The following SMOC2 variants were observed in gnomAD, a reference collection of about 807,000 sequenced individuals.
The protein encoded by SMOC2 is SPARC-related modular calcium-binding protein 2.
SMOC2 carries 39 observed loss-of-function variants against 61.4 expected under a neutral mutation model. The observed-to-expected ratio is 0.64, with a 90% CI of 0.49 to 0.83. The LOEUF is 0.83. Among genes scored for constraint, SMOC2 ranks in the 40% least tolerant of loss-of-function variants. SMOC2 has a pLI of 0.00. For missense variants in SMOC2, 556 were observed against 592.9 expected (o/e 0.94, Z 0.65); for synonymous variants, 247 against 239.9 (o/e 1.03, Z -0.27).
chr6:168,535,783 G>A lies in SMOC2; in HGVS notation c.464-7842G>A, dbSNP rs1783715554. 1.3e-5 allele frequency among the ~76,000 whole-genome samples: 2 copies of A among 152,204 alleles called. No homozygotes were observed. On this transcript the variant is annotated intron_variant, in intron 4 of 12. Transcript: ENST00000356284. The surrounding 1 kb of genome is among the most constrained non-coding windows in gnomAD (Gnocchi z 4.6). ...TCAGGAGAGAGGCAGCGCCGCCGGG[G>A]GAAGATGGGAGGGAGACCAATGCGC...
At chr6:168,489,184 C>G (rs1381370777) in intron 1 of SMOC2, among the ~76,000 whole-genome samples, 29 of 131,368 alleles carry the variant, frequency 2.2e-4, no homozygotes, top group Middle Eastern at 5.2e-3. Flanking sequence ...GGTCCCCTTG[C>G]ATCACACTGT....
In SMOC2 at chr6:168,441,292, C is replaced by T; in HGVS notation, c.-79C>T. ...CCCTCCACGCGCCCGCCCAGCCGCG[C>T]TCGCCCACTGGGCTCTCCCGGCTGC... On this transcript the variant is annotated 5_prime_UTR_variant, in exon 1 of 13. Transcript: ENST00000356284. The T allele has an allele frequency of 1.4e-6, 2 of 1,432,692 alleles. No homozygotes were observed. The highest frequency in any genetic ancestry group is 1.8e-6 in the Non-Finnish European group (2 of 1,103,676). The allele number at this position is 1,432,692 out of a possible 1,614,324, so 88.7% of individuals were successfully genotyped here.
chr6:168,467,140 C>CACACACACAA (rs1781856678), intron 1 of SMOC2, among the ~76,000 whole-genome samples: 1 of 99,158 alleles, frequency 1.0e-5, no homozygotes, highest in South Asian at 3.0e-4. Context: ...CTCTCAAACA[C>CACACACACAA]ACACACACAC....
At chr6:168,486,323 G>A (rs1782331189) in intron 1 of SMOC2, among the ~76,000 whole-genome samples, 1 of 152,026 alleles carries the variant, frequency 6.6e-6, no homozygotes, top group Non-Finnish European at 1.5e-5. Context: ...CTTGTAGATT[G>A]AATACTCACA....
chr6:168,547,082 G>A (rs753055038), intron 5 of SMOC2, 37 bp from the exon 6 acceptor site: 4 of 1,613,830 alleles, frequency 2.5e-6, no homozygotes, highest in Non-Finnish European at 3.4e-6. Flanking sequence ...TCTCATAATT[G>A]TAGTCTCCTT....
intron 7 of SMOC2, among the ~76,000 whole-genome samples, chr6:168,583,165 A>G (rs529743337): frequency 3.3e-5 from 5 of 152,378 alleles, no homozygotes; most frequent in Admixed American, 6.5e-5. Context: ...TACAGGTGGA[A>G]GGAAAAAAAC....
At chr6:168,558,877 G>GTA (rs1281867398) in intron 7 of SMOC2, among the ~76,000 whole-genome samples, 1 of 148,968 alleles carries the variant, frequency 6.7e-6, no homozygotes, top group Admixed American at 7.2e-5. Context: ...GTGCATGTGT[G>GTA]TGCGTGTGTG....
intron 7 of SMOC2, among the ~76,000 whole-genome samples, chr6:168,566,001 C>T (rs1017320002): frequency 2.6e-5 from 4 of 152,102 alleles, no homozygotes; most frequent in African/African-American, 9.7e-5. Flanking sequence ...TTTTCATGGC[C>T]ACAGATATTT....
chr6:168,633,143 G>A (rs1786614721), intron 9 of SMOC2, among the ~76,000 whole-genome samples: 1 of 152,228 alleles, frequency 6.6e-6, no homozygotes, highest in African/African-American at 2.4e-5. Flanking sequence ...CTCCTGCCAG[G>A]AATGAGTAAG....
chr6:168,509,971 G>A lies in SMOC2; in HGVS notation c.141G>A (p.Ser47=), dbSNP rs138053590. The stretch of plus-strand genomic sequence containing the variant: ...ATTGTAGCTTGGACTGTGCGGGTTC[G>A]CCCCAGAAACCTCTCTGCGCATCTG... ...DKDCSLDCAG[S]PQKPLCASDG... is the part of the protein sequence containing the mutation. The change falls in exon 2 of 13, where the codon TCG becomes TCA. Residue 47 remains serine (S), a synonymous_variant. Coordinates refer to ENST00000356284, the MANE Select transcript of SMOC2 (RefSeq NM_001166412.2). The A allele has an allele frequency of 2.4e-4, 387 of 1,613,964 alleles. 1 individual carries two copies. Among genetic ancestry groups the A allele is most frequent in the Admixed American group, 5.8e-4 (35 of 59,996 alleles).
intron 11 of SMOC2, among the ~76,000 whole-genome samples, chr6:168,661,755 G>C (rs1156361219): frequency 6.6e-6 from 1 of 152,098 alleles, no homozygotes; most frequent in Non-Finnish European, 1.5e-5. Flanking sequence ...TTGTTGAATA[G>C]CCAAATTGGC....
rs10536582 is a variant in SMOC2, at chr6:168,467,136, AACACACACACACACAC to A, written c.84+25713_84+25728del. ...TGTGCTTAACAAATCAGTGCTCTCA[AACACACACACACACAC>A]ACACACACACACACACACACACACA... On this transcript the variant is annotated intron_variant, in intron 1 of 12. Coordinates refer to ENST00000356284, the MANE Select transcript of SMOC2 (RefSeq NM_001166412.2). Among the ~76,000 whole-genome samples, 54 of 133,430 alleles carry A rather than the reference AACACACACACACACAC, an allele frequency of 4.0e-4. No homozygotes were observed. In the East Asian group the frequency reaches 4.6e-3, roughly 11 times the overall value. The allele number at this position is 133,430 out of a possible 152,430, so 87.5% of individuals were successfully genotyped here. A position where few individuals can be genotyped will look rare whatever the true frequency, so the allele number is the denominator to read the frequency against.
At chr6:168,446,891 TTC>T (rs1276431539) in intron 1 of SMOC2, among the ~76,000 whole-genome samples, 2 of 152,254 alleles carry the variant, frequency 1.3e-5, no homozygotes, top group African/African-American at 4.8e-5. Flanking sequence ...TCAGAATGAC[TTC>T]TTTTTGATGA....
At chr6:168,624,547 T>G (rs1315585373) in intron 9 of SMOC2, among the ~76,000 whole-genome samples, 2 of 126,612 alleles carry the variant, frequency 1.6e-5, no homozygotes, top group Non-Finnish European at 3.6e-5. Flanking sequence ...CATAGACACA[T>G]GCACACACAC....
intron 7 of SMOC2, among the ~76,000 whole-genome samples, chr6:168,551,785 A>G (rs1382254055): frequency 1.3e-5 from 2 of 152,200 alleles, no homozygotes; most frequent in Non-Finnish European, 2.9e-5. Flanking sequence ...TTTTAAGCCA[A>G]TGTAACCATT....
At chr6:168,455,115 A>G (rs1008136698) in intron 1 of SMOC2, among the ~76,000 whole-genome samples, 5 of 151,942 alleles carry the variant, frequency 3.3e-5, no homozygotes, top group African/African-American at 4.8e-5. Flanking sequence ...GGCTGCCATG[A>G]AGGGCCTTGG....
chr6:168,518,370 ATGTGCATTG>A (rs1277493450), intron 2 of SMOC2, among the ~76,000 whole-genome samples: 1 of 151,090 alleles, frequency 6.6e-6, no homozygotes, highest in Non-Finnish European at 1.5e-5. Flanking sequence ...ATGTGTGTTC[ATGTGCATTG>A]TGTGCATGTG....
intron 4 of SMOC2, among the ~76,000 whole-genome samples, chr6:168,532,986 C>A (rs540869662): frequency 6.4e-4 from 97 of 152,326 alleles, no homozygotes; most frequent in African/African-American, 2.2e-3. Context: ...TATTTCCTAA[C>A]AAGCTCTGTA....
At chr6:168,543,929 C>A (rs1401942968) in intron 5 of SMOC2, among the ~76,000 whole-genome samples, 1 of 152,106 alleles carries the variant, frequency 6.6e-6, no homozygotes, top group Admixed American at 6.5e-5. Flanking sequence ...GCTGTTAGGA[C>A]CCCCTGGAAC....
Sources: allele counts gnomAD v4.1 joint callset (sites outside exome capture counted in the v4.1 genomes callset), GRCh38; gene constraint gnomAD v4.1.1; non-coding constraint Gnocchi (gnomAD v3.1); transcripts MANE v1.5; gene names NCBI Gene and HGNC (gene_info 2026-07-23, HGNC 2026-07-21).